The following GPR139 variants were observed in gnomAD, a reference collection of about 807,000 sequenced individuals.
GPR139 encodes G protein-coupled receptor 139, also known as probable G protein-coupled receptor 139.
Under a neutral mutation model 25.8 loss-of-function variants are expected in GPR139, and 12 were observed. The observed-to-expected ratio is 0.47, with a 90% CI of 0.30 to 0.75. The LOEUF (loss-of-function observed/expected upper bound fraction) is 0.75, where lower values mean the gene tolerates loss of function less well. GPR139 is among the 30% of genes least tolerant of loss of function. The probability of loss-of-function intolerance (pLI) is 0.07; values close to 1 mark genes in which losing one functional copy is unlikely to be tolerated. For missense variants in GPR139, 380 were observed against 450.2 expected, an observed-to-expected ratio of 0.84 and a Z score of 1.41; for synonymous variants, 184 against 179.9, an observed-to-expected ratio of 1.02 and a Z score of -0.18.
intron 1 of GPR139, among the ~76,000 whole-genome samples, chr16:20,045,754 A>G (rs1458321634): frequency 6.6e-6 from 1 of 152,110 alleles, no homozygotes. Context: ...CATACAACTG[A>G]GCTCCTGCCC....
chr16:20,070,521 T>C (rs1326630967), intron 1 of GPR139, among the ~76,000 whole-genome samples: 1 of 152,140 alleles, frequency 6.6e-6, no homozygotes, highest in Non-Finnish European at 1.5e-5. Context: ...CACCAACCAG[T>C]TAAAAATTAG....
intron 1 of GPR139, 112 bp from the exon 2 acceptor site, chr16:20,032,781 T>G (rs1391442056): frequency 1.4e-6 from 1 of 694,652 alleles, no homozygotes; most frequent in African/African-American, 1.8e-5. Context: ...TGAAAATGAT[T>G]GAATCAATGC....
Position 20,054,148 on chromosome 16 carries a change from G to A in GPR139, c.127+19342C>T, listed in dbSNP as rs185316985. On this transcript the variant is annotated intron_variant, in intron 1 of 1. Transcript: ENST00000570682. The stretch of plus-strand genomic sequence containing the variant: ...AGGAACTTGACAAATATTTGTCTAA[G>A]GCAGCATCTGAGTCTAGATGTCATC... 8.1e-4 allele frequency among the ~76,000 whole-genome samples: 123 copies of A among 152,282 alleles called. 1 individual carries two copies. The Middle Eastern group carries it at 0.024, about 29-fold the overall frequency.
chr16:20,031,842 A>G lies in GPR139; in HGVS notation c.955T>C (p.Phe319Leu). The change falls in exon 2 of 2, where the codon TTT (phenylalanine) becomes CTT (leucine). Residue 319 changes from phenylalanine to leucine, a missense_variant. Coordinates refer to ENST00000570682, the MANE Select transcript of GPR139 (RefSeq NM_001002911.4). The part of the protein sequence containing the change: ...QPVQFYTNHN[F>L]SITSSPWISP... ...ATCCAGGGGCTACTTGTTATGGAAA[A>G]GTTATGATTGGTGTAGAACTGTACA... is the stretch of plus-strand genomic sequence containing the variant. 6.2e-7 allele frequency: 1 copy of G among 1,614,206 alleles called. No homozygotes were observed. The highest frequency in any genetic ancestry group is 8.5e-7 in the Non-Finnish European group (1 of 1,180,042).
intron 1 of GPR139, among the ~76,000 whole-genome samples, chr16:20,041,934 C>T (rs1057364624): frequency 7.2e-5 from 11 of 152,244 alleles, no homozygotes; most frequent in Admixed American, 2.6e-4. Context: ...TCTGGTTCCC[C>T]AAAGGGCTAT....
intron 1 of GPR139, among the ~76,000 whole-genome samples, chr16:20,050,990 G>A (rs2057369567): frequency 6.9e-6 from 1 of 145,548 alleles, no homozygotes; most frequent in Non-Finnish European, 1.5e-5. Flanking sequence ...TTGAGCCCAA[G>A]AGGTCAAGGC....
intron 1 of GPR139, among the ~76,000 whole-genome samples, chr16:20,038,032 T>TG (rs1410467521): frequency 1.3e-5 from 2 of 151,834 alleles, no homozygotes; most frequent in Non-Finnish European, 2.9e-5. Context: ...AGCTAATTTT[T>TG]TTTTTTTTAA....
At position 20,073,388 on chromosome 16, in the gene GPR139, A is replaced by G; in HGVS notation, c.127+102T>C. On this transcript the variant is annotated intron_variant, in intron 1 of 1. Transcript: ENST00000570682. The surrounding 1 kb of genome is among the most constrained non-coding windows in gnomAD (Gnocchi z 4.7). ...GCCCTTAAAGCTTAAACTTTTTCCG[A>G]GGGGGCGCCAGGGAACGCACGGGGG... is the stretch of plus-strand genomic sequence containing the variant. 1.3e-6 allele frequency: 2 copies of G among 1,511,956 alleles called. No individual in the cohort carries two copies. Among genetic ancestry groups the G allele is most frequent in the South Asian group, 2.4e-5 (2 of 82,422 alleles). The allele number at this position is 1,511,956 out of a possible 1,614,324, so 93.7% of individuals were successfully genotyped here. A position where few individuals can be genotyped will look rare whatever the true frequency, so the allele number is the denominator to read the frequency against.
rs551625075 is a variant in GPR139, at chr16:20,057,305, A to C, written c.127+16185T>G. ...AGCATGATGGAAGTATCAATCTCAC[A>C]GGCACTGCTGTAAAGATTAAATAAG... On this transcript the variant is annotated intron_variant, in intron 1 of 1. Transcript: ENST00000570682. 3.9e-5 allele frequency among the ~76,000 whole-genome samples: 6 copies of C among 152,268 alleles called. 1 individual carries two copies. The highest frequency in any genetic ancestry group is 3.9e-4 in the Admixed American group (6 of 15,298).
At chr16:20,033,904 T>C (rs2057300625) in intron 1 of GPR139, among the ~76,000 whole-genome samples, 1 of 152,008 alleles carries the variant, frequency 6.6e-6, no homozygotes, top group Admixed American at 6.6e-5. Flanking sequence ...ACATAGTTTT[T>C]GCATAAACAG....
Position 20,073,369 on chromosome 16 carries a change from A to T in GPR139, c.127+121T>A. On this transcript the variant is annotated intron_variant, in intron 1 of 1. Coordinates refer to ENST00000570682, the MANE Select transcript of GPR139 (RefSeq NM_001002911.4). This position sits in a 1 kb window ranked among gnomAD's most constrained non-coding sequence, Gnocchi z 4.7. Reference sequence around the variant, plus strand: ...TGTGGAAATATCCATAGTTGCCCTTAAAGCTTAAACTTTTTCCGAGGGGGC... The same window carrying T: ...TGTGGAAATATCCATAGTTGCCCTTTAAGCTTAAACTTTTTCCGAGGGGGC... The T allele has an allele frequency of 7.0e-7, 1 of 1,423,802 alleles. No homozygotes were observed. The highest frequency in any genetic ancestry group is 1.4e-5 in the African/African-American group (1 of 70,314). The allele number at this position is 1,423,802 out of a possible 1,614,324, so 88.2% of individuals were successfully genotyped here.
At chr16:20,053,796 G>C (rs900959340) in intron 1 of GPR139, among the ~76,000 whole-genome samples, 2 of 150,840 alleles carry the variant, frequency 1.3e-5, no homozygotes, top group Admixed American at 6.6e-5. Flanking sequence ...AGCATTCATA[G>C]ATGAAGAATT....
At chr16:20,067,804 C>A (rs1471036564) in intron 1 of GPR139, among the ~76,000 whole-genome samples, 380 of 68,422 alleles carry the variant, frequency 5.6e-3, no homozygotes, top group Middle Eastern at 0.015. Context: ...AACTCCATCT[C>A]AAAAAAAAAA....
At position 20,032,219 on chromosome 16, in the gene GPR139, A is replaced by C; in HGVS notation, c.578T>G (p.Leu193Arg). The C allele has an allele frequency of 6.2e-7, 1 of 1,614,208 alleles. No homozygotes were observed. Among genetic ancestry groups the C allele is most frequent in the East Asian group, 2.2e-5 (1 of 44,888 alleles). ...GATGAAGAAGATGGAGCAGGGCACC[A>C]GGTAGACGGTGAAGCAGTGGATCCA... ...LIWIHCFTVY[L>R]VPCSIFFILN... is the part of the protein sequence containing the mutation. Residue 193 changes from leucine to arginine, a missense_variant, in exon 2 of 2, where the codon CTG becomes CGG. By Grantham distance (102) the Leu-to-Arg change is moderately radical. Transcript: ENST00000570682.
Position 20,032,581 on chromosome 16 carries a change from G to T in GPR139, c.216C>A (p.Ala72=), listed in dbSNP as rs766041904. Residue 72 remains alanine (A), a synonymous_variant, in exon 2 of 2, where the codon GCC becomes GCA. Coordinates refer to ENST00000570682, the MANE Select transcript of GPR139 (RefSeq NM_001002911.4). ...CTATGAAAAAGAGGACCAAGATGTC[G>T]GCAGCAGCGAGTGCCAAGAGATAGT... ...SYNYLLALAA[A]DILVLFFIVF... 5.6e-6 allele frequency: 9 copies of T among 1,614,118 alleles called. No homozygotes were observed. In the Admixed American group the frequency reaches 8.3e-5, roughly 15 times the overall value.
chr16:20,071,083 C>G (rs1262283677), intron 1 of GPR139: 1 of 720,532 alleles, frequency 1.4e-6, no homozygotes, highest in Non-Finnish European at 1.7e-6. Context: ...GAGCATTTCG[C>G]TAGTGCCATC....
chr16:20,073,666 G>A lies in GPR139; in HGVS notation c.-50C>T. The A allele has an allele frequency of 6.7e-7, 1 of 1,502,384 alleles. No homozygotes were observed. The highest frequency in any genetic ancestry group is 8.9e-7 in the Non-Finnish European group (1 of 1,126,784). The allele number at this position is 1,502,384 out of a possible 1,614,324, so 93.1% of individuals were successfully genotyped here. A position where few individuals can be genotyped will look rare whatever the true frequency, so the allele number is the denominator to read the frequency against. On this transcript the variant is annotated 5_prime_UTR_variant, in exon 1 of 2. Transcript: ENST00000570682. This position sits in a 1 kb window ranked among gnomAD's most constrained non-coding sequence, Gnocchi z 4.7. ...CGCTTCGCGCCCGGCCTGCCAGCCCGACTCTGGTCGCCGGCTCGGTGGTGG... is the reference window on the plus strand; with the variant it reads ...CGCTTCGCGCCCGGCCTGCCAGCCCAACTCTGGTCGCCGGCTCGGTGGTGG...
At chr16:20,049,491 G>A (rs374452305) in intron 1 of GPR139, among the ~76,000 whole-genome samples, 21 of 152,306 alleles carry the variant, frequency 1.4e-4, no homozygotes, top group African/African-American at 5.1e-4. Context: ...GTGCAATGGG[G>A]ACATCTTTCC....
At chr16:20,035,314 T>C (rs146535067) in intron 1 of GPR139, among the ~76,000 whole-genome samples, 417 of 152,310 alleles carry the variant, frequency 2.7e-3, no homozygotes, top group Non-Finnish European at 4.5e-3. Flanking sequence ...TTGGTACTTA[T>C]TCCCAGTGGG....
Sources: allele counts gnomAD v4.1 joint callset (sites outside exome capture counted in the v4.1 genomes callset), GRCh38; gene constraint gnomAD v4.1.1; non-coding constraint Gnocchi (gnomAD v3.1); transcripts MANE v1.5; gene names NCBI Gene and HGNC (gene_info 2026-07-23, HGNC 2026-07-21).